The following GRID2 variants were observed in gnomAD, a reference collection of about 807,000 sequenced individuals.
The protein encoded by GRID2 is glutamate ionotropic receptor delta type subunit 2, also known as glutamate receptor ionotropic, delta-2.
GRID2 carries 33 observed loss-of-function variants against 114.8 expected under a neutral mutation model. That is an observed-to-expected ratio of 0.29 (90% CI 0.22 to 0.38). The LOEUF is 0.38. Among genes scored for constraint, GRID2 ranks in the 10% least tolerant of loss-of-function variants. The pLI is 1.00. For synonymous variants in GRID2, 505 were observed against 449.9 expected, an observed-to-expected ratio of 1.12 and a Z score of -1.55; for missense variants, 1,184 against 1,257.7, an observed-to-expected ratio of 0.94 and a Z score of 0.89.
intron 3 of GRID2, among the ~76,000 whole-genome samples, chr4:93,094,701 A>G (rs552080898): frequency 2.6e-5 from 4 of 152,170 alleles, no homozygotes; most frequent in African/African-American, 9.6e-5. Context: ...TTACATTTAC[A>G]TGCATGAGAA....
At chr4:93,241,482 G>A (rs1047573329) in intron 8 of GRID2, among the ~76,000 whole-genome samples, 14 of 151,616 alleles carry the variant, frequency 9.2e-5, no homozygotes, top group Non-Finnish European at 2.1e-4. Context: ...ACGTTCCTGG[G>A]ATATGCATAA....
chr4:92,478,166 T>G (rs148304522), intron 1 of GRID2, among the ~76,000 whole-genome samples: 5 of 152,064 alleles, frequency 3.3e-5, no homozygotes, highest in Admixed American at 3.3e-4. Context: ...CTCTTATTTG[T>G]GCAGTTATCT....
rs1237351097 is a variant in GRID2, at chr4:93,515,421, A to G, written c.2193+10A>G. On this transcript the variant is annotated intron_variant, in intron 13 of 15. Transcript: ENST00000282020. The stretch of plus-strand genomic sequence containing the variant: ...GGCAGGCATTCAAAAGGTACTGTCC[A>G]TGGTTCTCCTTTAATAGTCCTTACC... 1.9e-6 allele frequency: 3 copies of G among 1,564,496 alleles called. No individual in the cohort carries two copies. Among genetic ancestry groups the G allele is most frequent in the Non-Finnish European group, 2.6e-6 (3 of 1,137,216 alleles).
At chr4:93,012,276 C>A (rs1722257018) in intron 2 of GRID2, among the ~76,000 whole-genome samples, 1 of 151,976 alleles carries the variant, frequency 6.6e-6, no homozygotes, top group African/African-American at 2.4e-5. Context: ...TTTGTCTCTC[C>A]TTCAAATCAG....
chr4:93,496,218 T>C (rs1490140730), intron 12 of GRID2, among the ~76,000 whole-genome samples: 1 of 151,738 alleles, frequency 6.6e-6, no homozygotes, highest in Non-Finnish European at 1.5e-5. Context: ...CATGGGGCAG[T>C]AAGTTCTGTT....
chr4:93,237,739 T>A (rs1420527118), intron 7 of GRID2, among the ~76,000 whole-genome samples: 1 of 151,860 alleles, frequency 6.6e-6, no homozygotes, highest in Non-Finnish European at 1.5e-5. Flanking sequence ...ATCTGTCATA[T>A]TGAATGAAAG....
chr4:92,751,027 G>C (rs889248009), intron 2 of GRID2, among the ~76,000 whole-genome samples: 3 of 152,090 alleles, frequency 2.0e-5, no homozygotes, highest in African/African-American at 7.2e-5. Flanking sequence ...AATGGTATTT[G>C]TTAATTCTTG....
rs781389310 is a variant in GRID2, at chr4:93,395,665, A to T, written c.1304A>T (p.Glu435Val). The T allele has an allele frequency of 1.9e-6, 3 of 1,583,432 alleles. No homozygotes were observed. Among genetic ancestry groups the T allele is most frequent in the East Asian group, 2.2e-5 (1 of 44,670 alleles). The change falls in exon 9 of 16, where the codon GAG becomes GTG. Residue 435 changes from glutamate (E) to valine (V), a missense_variant. Glu to Val is a moderately radical substitution (Grantham distance 121). Transcript: ENST00000282020. ...GGGTCACTGACTGACAAGAAATTGG[A>T]GAATAACATGCGTGGAGTGGTTCTA... ...LNGSLTDKKL[E>V]NNMRGVVLRV...
At chr4:93,084,815 A>ATTC (rs1730189775) in intron 2 of GRID2, among the ~76,000 whole-genome samples, 180 bp from the exon 3 acceptor site, 1 of 152,244 alleles carries the variant, frequency 6.6e-6, no homozygotes, top group African/African-American at 2.4e-5. Flanking sequence ...TAAGAGCAGA[A>ATTC]TTCTTGGAAT....
chr4:92,916,277 T>G (rs2149496543), intron 2 of GRID2, among the ~76,000 whole-genome samples: 1 of 152,272 alleles, frequency 6.6e-6, no homozygotes, highest in South Asian at 2.1e-4. Flanking sequence ...GTTTCAATAT[T>G]CTGCATATGG....
intron 2 of GRID2, among the ~76,000 whole-genome samples, chr4:92,591,430 A>T (rs970756330): frequency 2.0e-5 from 3 of 152,174 alleles, no homozygotes; most frequent in Non-Finnish European, 4.4e-5. Context: ...TATTGTGATG[A>T]TGTATTTAAA....
intron 13 of GRID2, among the ~76,000 whole-genome samples, chr4:93,591,907 C>G (rs1239796168): frequency 6.6e-6 from 1 of 152,000 alleles, no homozygotes; most frequent in African/African-American, 2.4e-5. Context: ...GTGATATCCC[C>G]TTTATCATTT....
At chr4:93,764,034 G>C (rs891116529) in intron 14 of GRID2, among the ~76,000 whole-genome samples, 1 of 152,128 alleles carries the variant, frequency 6.6e-6, no homozygotes, top group Non-Finnish European at 1.5e-5. Flanking sequence ...TCAGCAACCT[G>C]TTTTGTAACA....
intron 2 of GRID2, among the ~76,000 whole-genome samples, chr4:92,609,625 TTATATA>T: frequency 7.0e-6 from 1 of 142,392 alleles, no homozygotes; most frequent in South Asian, 2.3e-4. Context: ...ATAATATATA[TTATATA>T]TATATAATAA....
chr4:92,343,247 A>G (rs1417315437), intron 1 of GRID2, among the ~76,000 whole-genome samples: 4 of 151,894 alleles, frequency 2.6e-5, no homozygotes, highest in Non-Finnish European at 5.9e-5. Context: ...CTGCAAAAAA[A>G]AAAGCTCAAA....
intron 2 of GRID2, among the ~76,000 whole-genome samples, chr4:92,767,737 A>T (rs1738335204): frequency 6.6e-6 from 1 of 151,774 alleles, no homozygotes; most frequent in Non-Finnish European, 1.5e-5. Context: ...GGCGACAGAG[A>T]CTATGTATAA....
intron 14 of GRID2, among the ~76,000 whole-genome samples, chr4:93,655,675 A>T (rs1320048772): frequency 2.0e-5 from 3 of 152,112 alleles, no homozygotes; most frequent in Non-Finnish European, 4.4e-5. Context: ...TTTCTGTTTG[A>T]ATCTTTATAA....
chr4:93,373,395 CT>C (rs1763104452), intron 8 of GRID2, among the ~76,000 whole-genome samples: 1 of 151,916 alleles, frequency 6.6e-6, no homozygotes, highest in African/African-American at 2.4e-5. Context: ...AATTTAATTA[CT>C]TCATATTACA....
intron 2 of GRID2, among the ~76,000 whole-genome samples, chr4:92,824,541 T>C (rs1741553766): frequency 6.6e-6 from 1 of 152,086 alleles, no homozygotes; most frequent in South Asian, 2.1e-4. Context: ...TTTTATTATT[T>C]ATTTCAAAAT....
Sources: allele counts gnomAD v4.1 joint callset (sites outside exome capture counted in the v4.1 genomes callset), GRCh38; gene constraint gnomAD v4.1.1; transcripts MANE v1.5; gene names NCBI Gene and HGNC (gene_info 2026-07-23, HGNC 2026-07-21).